The following LYPD6B variants were observed in gnomAD, a reference collection of about 807,000 sequenced individuals.
The protein encoded by LYPD6B is LY6/PLAUR domain containing 6B.
In LYPD6B, 17 loss-of-function variants were observed where a neutral mutation model predicts 22.8. That is an observed-to-expected ratio of 0.75 (90% CI 0.51 to 1.12). The LOEUF (loss-of-function observed/expected upper bound fraction) is 1.12, where lower values mean the gene tolerates loss of function less well. Among genes scored for constraint, LYPD6B ranks in the 50% most tolerant of loss-of-function variants. LYPD6B has a pLI of 0.00. For synonymous variants in LYPD6B, 106 were observed against 91.6 expected (o/e 1.16, Z -0.90); for missense variants, 221 against 258.3 (o/e 0.86, Z 0.99).
At chr2:149,154,241 T>A (rs1293488072) in intron 2 of LYPD6B, among the ~76,000 whole-genome samples, 1 of 151,096 alleles carries the variant, frequency 6.6e-6, no homozygotes, top group Non-Finnish European at 1.5e-5. Context: ...ACTGTTATCC[T>A]TATAAGAGAA....
In LYPD6B at chr2:149,090,679, G is replaced by C. The variant is rs1021412984; in HGVS notation, c.-66-40204G>C. Among the ~76,000 whole-genome samples, 24 of 151,992 alleles carry C rather than the reference G, an allele frequency of 1.6e-4. 1 individual carries two copies. The highest frequency in any genetic ancestry group is 5.9e-4 in the Admixed American group (9 of 15,258). On this transcript the variant is annotated intron_variant, in intron 1 of 6. Transcript: ENST00000409642. ...TAAAAAAAAACCTCAGACTCCTAGG[G>C]GTGATAACTCAGGCAGAGGACCCAA...
At chr2:149,110,582 G>C (rs758095489) in intron 1 of LYPD6B, among the ~76,000 whole-genome samples, 1 of 152,084 alleles carries the variant, frequency 6.6e-6, no homozygotes, top group South Asian at 2.1e-4. Flanking sequence ...TCTGAGTACC[G>C]TATCATAAGA....
Position 149,212,988 on chromosome 2 carries a change from C to T in LYPD6B, c.329-4C>T. On this transcript the variant is annotated splice_polypyrimidine_tract_variant and splice_region_variant and intron_variant, in intron 5 of 6. Transcript: ENST00000409642. ...GGTTTTGTTTTTTGTTTCCTCTTGCCTAGATACACAGTACTGTTTGACAGT... is the reference window on the plus strand; with the variant it reads ...GGTTTTGTTTTTTGTTTCCTCTTGCTTAGATACACAGTACTGTTTGACAGT... The T allele has an allele frequency of 1.9e-6, 3 of 1,612,594 alleles. No homozygotes were observed. Among genetic ancestry groups the T allele is most frequent in the Admixed American group, 1.7e-5 (1 of 59,822 alleles).
chr2:149,164,813 G>A (rs1559044837), intron 3 of LYPD6B, among the ~76,000 whole-genome samples: 1 of 152,156 alleles, frequency 6.6e-6, no homozygotes, highest in Non-Finnish European at 1.5e-5. Context: ...CTGGCAAGTG[G>A]CCTGGTTTTA....
chr2:149,206,262 G>A (rs79466863), intron 4 of LYPD6B: 24,535 of 247,694 alleles, frequency 0.099, 1,467 homozygotes, highest in Non-Finnish European at 0.11. Flanking sequence ...CTTCTGATAC[G>A]GTTGATACAT....
intron 3 of LYPD6B, among the ~76,000 whole-genome samples, chr2:149,201,472 C>T (rs1693149827): frequency 1.3e-5 from 2 of 152,204 alleles, no homozygotes; most frequent in South Asian, 2.1e-4. Flanking sequence ...ATTTTTAGTT[C>T]AGAGTCTCTG....
At chr2:149,061,005 G>A (rs768186092) in intron 1 of LYPD6B, among the ~76,000 whole-genome samples, 2 of 152,020 alleles carry the variant, frequency 1.3e-5, no homozygotes, top group Non-Finnish European at 2.9e-5. Context: ...TAGCAAATGT[G>A]TTCTTTCTCT....
At chr2:149,206,758 CAT>C (rs1278620335) in intron 4 of LYPD6B, among the ~76,000 whole-genome samples, 1 of 152,018 alleles carries the variant, frequency 6.6e-6, no homozygotes, top group Admixed American at 6.6e-5. Context: ...TGTGTATTTA[CAT>C]ATGTGATATA....
chr2:149,176,503 G>T (rs577620280), intron 3 of LYPD6B, among the ~76,000 whole-genome samples: 42 of 152,232 alleles, frequency 2.8e-4, no homozygotes, highest in Non-Finnish European at 4.3e-4. Flanking sequence ...TTGCAAGAAA[G>T]GAATAAAACC....
At chr2:149,111,042 A>C (rs979707336) in intron 1 of LYPD6B, among the ~76,000 whole-genome samples, 1 of 152,152 alleles carries the variant, frequency 6.6e-6, no homozygotes, top group African/African-American at 2.4e-5. Flanking sequence ...AGGTAGAATA[A>C]TAGGAGGAGA....
chr2:149,205,438 C>A, intron 4 of LYPD6B, 34 bp downstream of exon 4: 2 of 1,607,332 alleles, frequency 1.2e-6, no homozygotes, highest in Non-Finnish European at 1.7e-6. Context: ...TAGTTCATGG[C>A]TGTGGGGCCA....
At chr2:149,112,656 T>C (rs1041523168) in intron 1 of LYPD6B, among the ~76,000 whole-genome samples, 9 of 152,174 alleles carry the variant, frequency 5.9e-5, no homozygotes, top group African/African-American at 2.2e-4. Context: ...GTATGAGGTT[T>C]AAGTGGAATG....
At chr2:149,178,810 T>C (rs1042501136) in intron 3 of LYPD6B, among the ~76,000 whole-genome samples, 1 of 152,150 alleles carries the variant, frequency 6.6e-6, no homozygotes, top group South Asian at 2.1e-4. Flanking sequence ...TGTCAATAAA[T>C]CTGTCAAAGG....
chr2:149,179,092 C>G (rs183456361), intron 3 of LYPD6B, among the ~76,000 whole-genome samples: 2 of 152,168 alleles, frequency 1.3e-5, no homozygotes, highest in Non-Finnish European at 1.5e-5. Flanking sequence ...AGGCAGGAGA[C>G]GAGTGCATGC....
intron 2 of LYPD6B, among the ~76,000 whole-genome samples, chr2:149,159,988 T>TA (rs1689952793): frequency 6.6e-6 from 1 of 151,974 alleles, no homozygotes; most frequent in Non-Finnish European, 1.5e-5. Flanking sequence ...AGTTGATGTA[T>TA]AAAATTAGCT....
intron 2 of LYPD6B, among the ~76,000 whole-genome samples, chr2:149,141,253 T>G (rs1688675102): frequency 6.6e-6 from 1 of 152,172 alleles, no homozygotes; most frequent in South Asian, 2.1e-4. Flanking sequence ...GGGCAGAGCA[T>G]TCCAGGAAAT....
At chr2:149,149,255 A>G (rs1382531447) in intron 2 of LYPD6B, among the ~76,000 whole-genome samples, 1 of 152,202 alleles carries the variant, frequency 6.6e-6, no homozygotes, top group African/African-American at 2.4e-5. Flanking sequence ...GTGTCTTCAC[A>G]TGTTATTTTC....
intron 1 of LYPD6B, chr2:149,101,598 G>A (rs1394112724): frequency 1.3e-5 from 2 of 152,390 alleles, no homozygotes; most frequent in Non-Finnish European, 2.9e-5. Flanking sequence ...TGTTGGCCTG[G>A]AGCAAGGGAG....
intron 1 of LYPD6B, among the ~76,000 whole-genome samples, chr2:149,081,197 T>G (rs1685118571): frequency 2.6e-5 from 4 of 152,138 alleles, no homozygotes; most frequent in Admixed American, 2.6e-4. Flanking sequence ...TTGTAATTAC[T>G]TCCCCTAGTA....
Sources: gnomAD v4.1 joint callset for allele counts (sites outside exome capture counted in the v4.1 genomes callset) on GRCh38, gnomAD v4.1.1 for gene constraint, MANE v1.5 for transcripts, NCBI Gene and HGNC (gene_info 2026-07-23, HGNC 2026-07-21) for gene names.